LAMTOR4: variants seen among roughly 807,000 people sequenced by gnomAD.
LAMTOR4 encodes the protein ragulator complex protein LAMTOR4.
In LAMTOR4, 11 loss-of-function variants were observed where a neutral mutation model predicts 13.5. That is an observed-to-expected ratio of 0.82 (90% CI 0.51 to 1.35). The LOEUF (loss-of-function observed/expected upper bound fraction) is 1.35, where lower values mean the gene tolerates loss of function less well. Among genes scored for constraint, LAMTOR4 ranks in the 40% most tolerant of loss-of-function variants. The pLI, the probability that LAMTOR4 is intolerant of heterozygous loss-of-function variation, is 0.00. For missense variants in LAMTOR4, 128 were observed against 126.2 expected, an observed-to-expected ratio of 1.01 and a Z score of -0.07; for synonymous variants, 69 against 52.3, an observed-to-expected ratio of 1.32 and a Z score of -1.38.
intron 1 of LAMTOR4, 68 bp from the exon 2 acceptor site, chr7:100,149,431 C>A: frequency 9.4e-7 from 1 of 1,067,770 alleles, no homozygotes; most frequent in Non-Finnish European, 1.5e-6. Context: ...CTTGGGTTTG[C>A]AGGTGAAGGG....
rs111773951 is a variant in LAMTOR4 at position 100,153,971 on chromosome 7, C to G, written c.*7C>G. ...GGAGCCCATTGATGTCTGAGCCTGC[C>G]GGAGGGCGAGGGTCGGAGAAGCGGA... On this transcript the variant is annotated 3_prime_UTR_variant, in exon 4 of 4. Transcript: ENST00000341942. 6.4e-7 allele frequency: 1 copy of G among 1,573,852 alleles called. No individual in the cohort carries two copies. Among genetic ancestry groups the G allele is most frequent in the East Asian group, 2.3e-5 (1 of 43,498 alleles).
intron 2 of LAMTOR4, among the ~76,000 whole-genome samples, chr7:100,151,637 C>T (rs1798707335): frequency 6.6e-6 from 1 of 151,460 alleles, no homozygotes; most frequent in South Asian, 2.1e-4. Flanking sequence ...ATCCGCCTAC[C>T]TCGGCCTCCC....
At chr7:100,153,174 G>A (rs1347012330) in intron 2 of LAMTOR4, among the ~76,000 whole-genome samples, 2 of 151,758 alleles carry the variant, frequency 1.3e-5, no homozygotes. Flanking sequence ...AGATGGATAA[G>A]TTACTGCTCA....
chr7:100,153,837 G>A, intron 3 of LAMTOR4, 30 bp from the exon 4 acceptor site: 1 of 1,464,722 alleles, frequency 6.8e-7, no homozygotes, highest in Non-Finnish European at 9.4e-7. Flanking sequence ...TCCCTCTCCT[G>A]GGGCGGGGGA....
chr7:100,154,186 T>C lies in LAMTOR4; in HGVS notation c.*222T>C. 1.9e-6 allele frequency: 1 copy of C among 531,882 alleles called. No individual in the cohort carries two copies. The highest frequency in any genetic ancestry group is 3.1e-5 in the Admixed American group (1 of 31,930). 32.9% of individuals were successfully genotyped at this position (531,882 alleles called of 1,614,324 possible). On this transcript the variant is annotated 3_prime_UTR_variant, in exon 4 of 4. Coordinates refer to ENST00000341942, the MANE Select transcript of LAMTOR4 (RefSeq NM_001008395.4). Reference sequence around the variant, plus strand: ...GTGCTCCCTCACTCCCTAATAAACATGAGTCTGATGTTCTCCAGCCCAGGG... The same window carrying C: ...GTGCTCCCTCACTCCCTAATAAACACGAGTCTGATGTTCTCCAGCCCAGGG...
intron 1 of LAMTOR4, 76 bp downstream of exon 1, chr7:100,149,051 C>T (rs1281056456): frequency 1.9e-6 from 3 of 1,546,802 alleles, no homozygotes; most frequent in Admixed American, 3.6e-5. Flanking sequence ...TGGTTTCCCC[C>T]TGGTGGGCCT....
Position 100,148,933 on chromosome 7 carries a change from A to G in LAMTOR4, c.-40A>G, listed in dbSNP as rs764944102. On this transcript the variant is annotated 5_prime_UTR_variant, in exon 1 of 4. Transcript: ENST00000341942. ...TGACCGGGGCCTGAAGCCGGAAGCTACCTATCTGGTAGGGAGCTCCCCCAG... is the reference window on the plus strand; with the variant it reads ...TGACCGGGGCCTGAAGCCGGAAGCTGCCTATCTGGTAGGGAGCTCCCCCAG... 3 of 1,611,440 alleles carry G rather than the reference A, an allele frequency of 1.9e-6. No homozygotes were observed. Among genetic ancestry groups the G allele is most frequent in the Non-Finnish European group, 1.7e-6 (2 of 1,179,518 alleles).
rs745761620 is a variant in LAMTOR4 at position 100,154,071 on chromosome 7, C to G, written c.*107C>G. 3.7e-6 allele frequency: 3 copies of G among 807,856 alleles called. No homozygotes were observed. The highest frequency in any genetic ancestry group is 6.2e-6 in the Non-Finnish European group (3 of 481,092). The allele number at this position is 807,856 out of a possible 1,614,324, so 50.0% of individuals were successfully genotyped here. A position where few individuals can be genotyped will look rare whatever the true frequency, so the allele number is the denominator to read the frequency against. ...TTGCTGCTAGAACTAGGGCCTTCTGCTCGCCCACCTCCCACCCCTACCTGG... is the reference window on the plus strand; with the variant it reads ...TTGCTGCTAGAACTAGGGCCTTCTGGTCGCCCACCTCCCACCCCTACCTGG... On this transcript the variant is annotated 3_prime_UTR_variant, in exon 4 of 4. Coordinates refer to ENST00000341942, the MANE Select transcript of LAMTOR4 (RefSeq NM_001008395.4).
chr7:100,153,683 C>A, intron 3 of LAMTOR4, 166 bp downstream of exon 3: 1 of 761,840 alleles, frequency 1.3e-6, no homozygotes, highest in Non-Finnish European at 2.3e-6. Context: ...AATGAGAAGG[C>A]AAGAGAAAGG....
intron 2 of LAMTOR4, among the ~76,000 whole-genome samples, chr7:100,152,404 AAAAC>A (rs71939843): frequency 1.3e-4 from 20 of 151,254 alleles, no homozygotes; most frequent in Non-Finnish European, 2.1e-4. Flanking sequence ...TCTGTCTCAA[AAAAC>A]AAACAAACAA....
chr7:100,149,384 G>T (rs1352826233), intron 1 of LAMTOR4, 115 bp from the exon 2 acceptor site: 31 of 759,300 alleles, frequency 4.1e-5, no homozygotes, highest in Non-Finnish European at 7.2e-5. Flanking sequence ...ACCTGGCTGG[G>T]GAATGAGAAA....
chr7:100,148,962 C>G lies in LAMTOR4; in HGVS notation c.-11C>G, dbSNP rs1044489432. The G allele has an allele frequency of 1.9e-6, 3 of 1,612,016 alleles. No individual in the cohort carries two copies. The highest frequency in any genetic ancestry group is 2.5e-6 in the Non-Finnish European group (3 of 1,179,924). ...ATCTGGTAGGGAGCTCCCCCAGCAC[C>G]GAAGACTGCGATGGTGAGTGAGGAC... On this transcript the variant is annotated 5_prime_UTR_variant, in exon 1 of 4. Transcript: ENST00000341942.
chr7:100,152,435 AGAAGT>A (rs1315937538), intron 2 of LAMTOR4, among the ~76,000 whole-genome samples: 4 of 152,262 alleles, frequency 2.6e-5, no homozygotes, highest in Middle Eastern at 3.4e-3. Flanking sequence ...AATCAAAAAA[AGAAGT>A]GGATTGGGAA....
At chr7:100,152,292 C>T (rs1798727763) in intron 2 of LAMTOR4, among the ~76,000 whole-genome samples, 1 of 152,130 alleles carries the variant, frequency 6.6e-6, no homozygotes, top group Non-Finnish European at 1.5e-5. Context: ...ATCCCAGCTT[C>T]TTGGGAGGTT....
At chr7:100,149,739 A>T in intron 2 of LAMTOR4, 160 bp downstream of exon 2, 1 of 570,456 alleles carries the variant, frequency 1.8e-6, no homozygotes, top group East Asian at 2.8e-5. Context: ...TTCAGTAATC[A>T]GTCTGTGGAA....
Position 100,153,979 on chromosome 7 carries a change from G to A in LAMTOR4, c.*15G>A, listed in dbSNP as rs772912687. On this transcript the variant is annotated 3_prime_UTR_variant, in exon 4 of 4. Coordinates refer to ENST00000341942, the MANE Select transcript of LAMTOR4 (RefSeq NM_001008395.4). ...TTGATGTCTGAGCCTGCCGGAGGGCGAGGGTCGGAGAAGCGGATTGGGTCC... is the reference window on the plus strand; with the variant it reads ...TTGATGTCTGAGCCTGCCGGAGGGCAAGGGTCGGAGAAGCGGATTGGGTCC... The A allele has an allele frequency of 5.4e-5, 85 of 1,561,936 alleles. No homozygotes were observed. Among genetic ancestry groups the A allele is most frequent in the Non-Finnish European group, 6.3e-5 (73 of 1,151,022 alleles).
intron 1 of LAMTOR4, 103 bp from the exon 2 acceptor site, chr7:100,149,396 C>A: frequency 1.2e-6 from 1 of 809,306 alleles, no homozygotes; most frequent in South Asian, 1.4e-5. Flanking sequence ...AATGAGAAAA[C>A]CTGGGGCCAT....
Position 100,153,430 on chromosome 7 carries a change from G to T in LAMTOR4, c.115G>T (p.Ala39Ser). 1 of 1,611,226 alleles carries T rather than the reference G, an allele frequency of 6.2e-7. No homozygotes were observed. The highest frequency in any genetic ancestry group is 1.1e-5 in the South Asian group (1 of 91,068). Residue 39 changes from alanine (A) to serine (S), a missense_variant, in exon 3 of 4, where the codon GCA (alanine) becomes TCA (serine). Ala to Ser is a moderately conservative substitution (Grantham distance 99). Transcript: ENST00000341942. ...TGGGGACCTGGAGAATGATGAGCAG[G>T]CAGCCAGTGCCATCTCTGAGCTGGT... ...SSGDLENDEQ[A>S]ASAISELVST...
chr7:100,151,509 C>G (rs903887421), intron 2 of LAMTOR4, among the ~76,000 whole-genome samples: 7 of 151,970 alleles, frequency 4.6e-5, no homozygotes, highest in Admixed American at 6.6e-5. Flanking sequence ...CTGCCTCAGC[C>G]TCCCTAGTAG....
Sources: gnomAD v4.1 joint callset for allele counts (sites outside exome capture counted in the v4.1 genomes callset) on GRCh38, gnomAD v4.1.1 for gene constraint, MANE v1.5 for transcripts, NCBI Gene and HGNC (gene_info 2026-07-23, HGNC 2026-07-21) for gene names.